Variants in N4BP2 observed in about 807,000 individuals in gnomAD.
The protein encoded by N4BP2 is NEDD4 binding protein 2.
In N4BP2, 91 loss-of-function variants were observed where a neutral mutation model predicts 152.8. The ratio of observed to expected loss-of-function variants is 0.60; its 90% CI spans 0.50 to 0.71. The LOEUF (loss-of-function observed/expected upper bound fraction) is 0.71. Among genes scored for constraint, N4BP2 ranks in the 30% least tolerant of loss-of-function variants. The pLI, the probability that N4BP2 is intolerant of heterozygous loss-of-function variation, is 0.00. For synonymous variants in N4BP2, 646 were observed against 705.3 expected, an observed-to-expected ratio of 0.92 and a Z score of 1.33; for missense variants, 1,923 against 2,059.1, an observed-to-expected ratio of 0.93 and a Z score of 1.28.
At position 40,102,864 on chromosome 4, in the gene N4BP2, A is replaced by C; in HGVS notation, c.1019A>C (p.Asp340Ala). The C allele has an allele frequency of 6.2e-7, 1 of 1,614,150 alleles. No homozygotes were observed. The highest frequency in any genetic ancestry group is 8.5e-7 in the Non-Finnish European group (1 of 1,180,020). The change falls in exon 4 of 18, where the codon GAT (aspartate) becomes GCT (alanine). Residue 340 changes from aspartate to alanine, a missense_variant. Coordinates refer to ENST00000261435, the MANE Select transcript of N4BP2 (RefSeq NM_018177.6). The part of the protein sequence containing the change: ...KHPELPTKGK[D>A]VSYCPVLAPL... ...CCTGAACTGCCAACTAAGGGGAAGG[A>C]TGTGAGTTACTGCCCGGTACTTGCT... is the stretch of plus-strand genomic sequence containing the variant.
chr4:40,119,887 G>T (rs780446855), intron 8 of N4BP2, 45 bp from the exon 9 acceptor site: 1 of 884,278 alleles, frequency 1.1e-6, no homozygotes, highest in Non-Finnish European at 1.7e-6. Context: ...ATTGATGGCA[G>T]CATTAAGAGA....
the N4BP2 span, chr4:40,167,816 A>C: frequency 6.6e-6 from 1 of 152,228 alleles, no homozygotes. Context: ...TGTTAAATAA[A>C]GACTCTTAAG....
chr4:40,061,913 C>T (rs544986501), intron 1 of N4BP2, among the ~76,000 whole-genome samples: 1 of 152,236 alleles, frequency 6.6e-6, no homozygotes, highest in East Asian at 1.9e-4. Flanking sequence ...GATCTGCCTG[C>T]CTCGGCCTCC....
chr4:40,180,544 C>A, the N4BP2 span, among the ~76,000 whole-genome samples: 1 of 152,164 alleles, frequency 6.6e-6, no homozygotes, highest in Non-Finnish European at 1.5e-5. Flanking sequence ...CACTTCCTGT[C>A]ATTATTCCAC....
rs1359795321 is a variant in N4BP2, at chr4:40,157,249, T to G, written c.*3012T>G. The G allele has an allele frequency of 1.3e-5, 2 of 152,144 alleles. No individual in the cohort carries two copies. Among genetic ancestry groups the G allele is most frequent in the African/African-American group, 4.8e-5 (2 of 41,452 alleles). The allele number at this position is 152,144 out of a possible 1,614,324, so 9.4% of individuals were successfully genotyped here. A position where few individuals can be genotyped will look rare whatever the true frequency, so the allele number is the denominator to read the frequency against. On this transcript the variant is annotated 3_prime_UTR_variant, in exon 18 of 18. Transcript: ENST00000261435. ...ATTGGCTCTTCATATTTCTCTACAT[T>G]ATTTTTAATGTGCAGTTTCTTCAAT...
chr4:40,099,941 T>G (rs146521222), intron 3 of N4BP2: 246 of 198,848 alleles, frequency 1.2e-3, no homozygotes, highest in African/African-American at 5.4e-3. Flanking sequence ...TTCTTCCATT[T>G]TTAGGTTTTC....
intron 1 of N4BP2, among the ~76,000 whole-genome samples, chr4:40,071,707 C>T (rs1712201773): frequency 1.3e-5 from 2 of 151,546 alleles, no homozygotes; most frequent in South Asian, 4.2e-4. Flanking sequence ...GCTGGGACTA[C>T]AGGCTCTCGC....
chr4:40,142,318 A>G (rs1256702199), intron 14 of N4BP2: 2 of 318,880 alleles, frequency 6.3e-6, no homozygotes, highest in Admixed American at 3.5e-5. Context: ...GGTGGTGGCG[A>G]CGGCTGGAGT....
chr4:40,102,909 C>T lies in N4BP2; in HGVS notation c.1064C>T (p.Pro355Leu). The T allele has an allele frequency of 6.2e-7, 1 of 1,614,178 alleles. No individual in the cohort carries two copies. Among genetic ancestry groups the T allele is most frequent in the South Asian group, 1.1e-5 (1 of 91,074 alleles). Residue 355 changes from proline (P) to leucine (L), a missense_variant, in exon 4 of 18, where the codon CCT becomes CTT. Coordinates refer to ENST00000261435, the MANE Select transcript of N4BP2 (RefSeq NM_018177.6). ...PVLAPLPLLLPPPPPPPMWNP... is the reference protein window; with the variant it reads ...PVLAPLPLLLLPPPPPPMWNP... The stretch of plus-strand genomic sequence containing the variant: ...CTTGCTCCTCTCCCATTGCTGTTGC[C>T]TCCTCCGCCACCTCCACCGATGTGG...
chr4:40,129,254 T>C (rs1003223979), intron 12 of N4BP2, among the ~76,000 whole-genome samples: 1 of 151,886 alleles, frequency 6.6e-6, no homozygotes, highest in African/African-American at 2.4e-5. Flanking sequence ...TGAGACAGAG[T>C]CTCGCTGTGT....
At chr4:40,115,570 C>A (rs568663491) in intron 7 of N4BP2, among the ~76,000 whole-genome samples, 12 of 152,154 alleles carry the variant, frequency 7.9e-5, no homozygotes, top group African/African-American at 2.9e-4. Context: ...TTATTTTTGT[C>A]TTATTTAGTT....
intron 1 of N4BP2, among the ~76,000 whole-genome samples, chr4:40,059,598 C>T (rs564360648): frequency 1.0e-3 from 158 of 151,164 alleles, no homozygotes; most frequent in Non-Finnish European, 2.0e-3. Flanking sequence ...GATCCGCCCG[C>T]TTTGGCCTCC....
chr4:40,074,894 C>T (rs1712571185), intron 2 of N4BP2, among the ~76,000 whole-genome samples: 1 of 151,950 alleles, frequency 6.6e-6, no homozygotes, highest in East Asian at 1.9e-4. Context: ...ATAATCCCAG[C>T]TACTTGGGAG....
At chr4:40,141,046 A>G (rs966667240) in intron 14 of N4BP2, among the ~76,000 whole-genome samples, 1 of 151,310 alleles carries the variant, frequency 6.6e-6, no homozygotes, top group Non-Finnish European at 1.5e-5. Context: ...ACCTCTCCCC[A>G]CTTTCTACTC....
chr4:40,130,043 T>G (rs1267318757), intron 12 of N4BP2, among the ~76,000 whole-genome samples: 1 of 152,096 alleles, frequency 6.6e-6, no homozygotes, highest in South Asian at 2.1e-4. Context: ...AAATGTGAAA[T>G]ATTTTAATTT....
At chr4:40,147,106 G>A (rs1720611283) in intron 16 of N4BP2, among the ~76,000 whole-genome samples, 1 of 149,926 alleles carries the variant, frequency 6.7e-6, no homozygotes, top group South Asian at 2.1e-4. Flanking sequence ...AGGGATTGGT[G>A]ATGACTCTTA....
Position 40,073,550 on chromosome 4 carries a change from C to T in N4BP2, c.-116C>T, listed in dbSNP as rs1185731339. The T allele has an allele frequency of 1.3e-5, 2 of 151,214 alleles. No individual in the cohort carries two copies. Among genetic ancestry groups the T allele is most frequent in the African/African-American group, 4.9e-5 (2 of 41,190 alleles). 9.4% of individuals were successfully genotyped at this position (151,214 alleles called of 1,614,324 possible). ...GTTGACAGCATCGATGCTAGACAGA[C>T]AGTAAGTGTTATTAAAGTTGTAGAG... On this transcript the variant is annotated splice_region_variant and 5_prime_UTR_variant, in exon 2 of 18. It introduces an in-frame stop codon into an upstream open reading frame of the 5' UTR. Coordinates refer to ENST00000261435, the MANE Select transcript of N4BP2 (RefSeq NM_018177.6).
At chr4:40,179,913 C>A in the N4BP2 span, among the ~76,000 whole-genome samples, 2 of 151,692 alleles carry the variant, frequency 1.3e-5, no homozygotes, top group African/African-American at 4.8e-5. Context: ...TACAGGCATG[C>A]GCCACCACGC....
At chr4:40,183,365 T>C in the N4BP2 span, among the ~76,000 whole-genome samples, 2 of 150,862 alleles carry the variant, frequency 1.3e-5, no homozygotes, top group Admixed American at 6.6e-5. Context: ...AGACGGCGTC[T>C]GGCTCTGTCG....
Sources: allele counts gnomAD v4.1 joint callset (sites outside exome capture counted in the v4.1 genomes callset), GRCh38; gene constraint gnomAD v4.1.1; transcripts MANE v1.5; gene names NCBI Gene and HGNC (gene_info 2026-07-23, HGNC 2026-07-21).